TVP23A: variants seen among roughly 807,000 people sequenced by gnomAD.
The protein encoded by TVP23A is trans-golgi network vesicle protein 23 homolog A.
TVP23A carries 21 observed loss-of-function variants against 31.7 expected under a neutral mutation model. The observed-to-expected ratio is 0.66, with a 90% CI of 0.47 to 0.95. The LOEUF (loss-of-function observed/expected upper bound fraction) is 0.95, where lower values mean the gene tolerates loss of function less well. Among genes scored for constraint, TVP23A ranks in the 40% least tolerant of loss-of-function variants. The pLI is 0.00. For missense variants in TVP23A, 279 were observed against 255.6 expected (o/e 1.09, Z -0.62); for synonymous variants, 104 against 96.0 (o/e 1.08, Z -0.49).
intron 2 of TVP23A, among the ~76,000 whole-genome samples, chr16:10,809,150 A>G (rs909384737): frequency 2.0e-5 from 3 of 152,206 alleles, no homozygotes; most frequent in Non-Finnish European, 4.4e-5. Flanking sequence ...GGTCCCCTAA[A>G]CACATTGTGC....
At chr16:10,810,766 G>A (rs1313526006) in intron 2 of TVP23A, among the ~76,000 whole-genome samples, 3 of 151,944 alleles carry the variant, frequency 2.0e-5, no homozygotes, top group South Asian at 4.1e-4. Flanking sequence ...GGCCTTACAC[G>A]TCGGCCCCTC....
chr16:10,775,421 G>C, intron 2 of TVP23A: 1 of 1,115,350 alleles, frequency 9.0e-7, no homozygotes, highest in South Asian at 2.7e-5. Flanking sequence ...CTGCCTTCCC[G>C]CCTAGCAGAG....
At chr16:10,799,008 C>T (rs115065632) in intron 2 of TVP23A, among the ~76,000 whole-genome samples, 1 of 152,176 alleles carries the variant, frequency 6.6e-6, no homozygotes, top group African/African-American at 2.4e-5. Flanking sequence ...CTCCCTAGGG[C>T]AAGCCAGCTG....
At chr16:10,795,179 C>T (rs1432879246) in intron 2 of TVP23A, among the ~76,000 whole-genome samples, 2 of 151,904 alleles carry the variant, frequency 1.3e-5, no homozygotes, top group East Asian at 3.9e-4. Context: ...CTGAAAGAGG[C>T]TCCCACTGGC....
rs2032099659 is a variant in TVP23A, at chr16:10,777,326, A to G, written c.90-2230T>C. Among the ~76,000 whole-genome samples, 2 of 152,116 alleles carry G rather than the reference A, an allele frequency of 1.3e-5. No homozygotes were observed. The highest frequency in any genetic ancestry group is 2.1e-4 in the South Asian group (1 of 4,830). On this transcript the variant is annotated intron_variant, in intron 2 of 7. Transcript: ENST00000299866. The surrounding 1 kb of genome is among the most constrained non-coding windows in gnomAD (Gnocchi z 4.5). ...TTAAATGATGGCCACTAATTCTTTT[A>G]CTGAAATATCAGTCTGTGTTTCTCA...
At chr16:10,769,214 C>T (rs1467582828) in intron 7 of TVP23A, 113 bp from the exon 8 acceptor site, 19 of 921,662 alleles carry the variant, frequency 2.1e-5, no homozygotes, top group Admixed American at 1.6e-4. Context: ...AGCAAAAGGA[C>T]CAGATGCTGG....
chr16:10,769,406 C>G, intron 7 of TVP23A: 1 of 336,202 alleles, frequency 3.0e-6, no homozygotes, highest in Non-Finnish European at 5.4e-6. Flanking sequence ...TCGTGGGATT[C>G]TGCTGTGTCG....
At chr16:10,803,245 CTGTGTGTGTGTGTGTG>C (rs3040297) in intron 2 of TVP23A, among the ~76,000 whole-genome samples, 3 of 135,378 alleles carry the variant, frequency 2.2e-5, no homozygotes, top group Non-Finnish European at 4.6e-5. Context: ...GATCGCGCCA[CTGTGTGTGTGTGTGTG>C]TGTGTGTGTG....
intron 2 of TVP23A, among the ~76,000 whole-genome samples, chr16:10,817,723 G>C (rs2034504436): frequency 6.6e-6 from 1 of 152,096 alleles, no homozygotes; most frequent in Non-Finnish European, 1.5e-5. Context: ...TCTCCCTCTG[G>C]AGTCTCCCAT....
chr16:10,806,260 T>C (rs1010568160), intron 2 of TVP23A, among the ~76,000 whole-genome samples: 1 of 152,138 alleles, frequency 6.6e-6, no homozygotes, highest in African/African-American at 2.4e-5. Context: ...GAAGAATCAC[T>C]TGAACCTGTG....
At chr16:10,780,871 A>G (rs2032378575) in intron 2 of TVP23A, among the ~76,000 whole-genome samples, 1 of 151,742 alleles carries the variant, frequency 6.6e-6, no homozygotes, top group Non-Finnish European at 1.5e-5. Context: ...TCTGACCACA[A>G]CTTTCTCTCA....
rs1049543223 is a variant in TVP23A, at chr16:10,818,455, C to T, written c.9+30G>A. 6.2e-7 allele frequency: 1 copy of T among 1,602,160 alleles called. No individual in the cohort carries two copies. The highest frequency in any genetic ancestry group is 8.5e-7 in the Non-Finnish European group (1 of 1,177,790). ...CGCAGGCTCCCCTCGTCCCGCCCCG[C>T]CTCCAGCCCCAGCATCCCCGAGGCC... On this transcript the variant is annotated intron_variant, in intron 1 of 7. Coordinates refer to ENST00000299866, the MANE Select transcript of TVP23A (RefSeq NM_001079512.4). This position sits in a 1 kb window ranked among gnomAD's most constrained non-coding sequence, Gnocchi z 4.7.
chr16:10,811,868 C>T (rs1416823724), intron 2 of TVP23A, among the ~76,000 whole-genome samples: 2 of 141,428 alleles, frequency 1.4e-5, no homozygotes, highest in Non-Finnish European at 3.0e-5. Flanking sequence ...CACGCCACTG[C>T]ACTCCAGCCT....
intron 2 of TVP23A, among the ~76,000 whole-genome samples, chr16:10,805,898 G>A (rs543376743): frequency 2.0e-5 from 3 of 152,098 alleles, no homozygotes; most frequent in African/African-American, 7.2e-5. Flanking sequence ...AAAGAGGTGG[G>A]CGATCTGGAG....
intron 2 of TVP23A, chr16:10,775,643 G>T (rs1056314260): frequency 2.8e-6 from 2 of 725,792 alleles, no homozygotes; most frequent in Non-Finnish European, 3.4e-6. Flanking sequence ...ATTTAATCTA[G>T]GGGAAGGTGG....
chr16:10,810,126 A>G (rs2034127067), intron 2 of TVP23A, among the ~76,000 whole-genome samples: 1 of 152,218 alleles, frequency 6.6e-6, no homozygotes. Flanking sequence ...AAGAAGCCAG[A>G]CAAAAAGCCA....
intron 5 of TVP23A, among the ~76,000 whole-genome samples, chr16:10,772,487 A>C (rs1429274532): frequency 6.6e-6 from 1 of 151,816 alleles, no homozygotes; most frequent in African/African-American, 2.4e-5. Flanking sequence ...CTCCTGCCTC[A>C]GCCTCCCAAG....
chr16:10,786,668 G>A (rs572273010), intron 2 of TVP23A, among the ~76,000 whole-genome samples: 227 of 151,414 alleles, frequency 1.5e-3, no homozygotes, highest in African/African-American at 4.9e-3. Context: ...CTGAGTGTGC[G>A]GGGATGGGAG....
downstream of TVP23A, chr16:10,757,731 G>A: frequency 1.1e-6 from 1 of 936,238 alleles, no homozygotes; most frequent in South Asian, 1.6e-5. The surrounding 1 kb of genome is among the most constrained non-coding windows in gnomAD (Gnocchi z 4.1). Flanking sequence ...GGGAGGCTGA[G>A]GTGGGAGGAT....
Sources: allele counts gnomAD v4.1 joint callset (sites outside exome capture counted in the v4.1 genomes callset), GRCh38; gene constraint gnomAD v4.1.1; non-coding constraint Gnocchi (gnomAD v3.1); transcripts MANE v1.5; gene names NCBI Gene and HGNC (gene_info 2026-07-23, HGNC 2026-07-21).